Variants in MTRF1 observed in about 807,000 individuals in gnomAD.
The protein encoded by MTRF1 is mitochondrial translation release factor 1.
In MTRF1, 51 loss-of-function variants were observed where a neutral mutation model predicts 62.9. That is an observed-to-expected ratio of 0.81 (90% CI 0.65 to 1.02). MTRF1 has a LOEUF of 1.02. Among genes scored for constraint, MTRF1 ranks in the 50% least tolerant of loss-of-function variants. MTRF1 has a pLI of 0.00. For synonymous variants in MTRF1, 158 were observed against 181.9 expected (o/e 0.87, Z 1.06); for missense variants, 446 against 530.0 (o/e 0.84, Z 1.56).
chr13:41,235,463 T>C (rs1425439696), intron 6 of MTRF1: 1 of 152,232 alleles, frequency 6.6e-6, no homozygotes, highest in Non-Finnish European at 1.5e-5. Context: ...ATGTTCATAT[T>C]CTAATTCATG....
intron 6 of MTRF1, among the ~76,000 whole-genome samples, chr13:41,237,435 T>G (rs2036828927): frequency 6.6e-6 from 1 of 151,352 alleles, no homozygotes; most frequent in Non-Finnish European, 1.5e-5. Flanking sequence ...ATATTTATCA[T>G]AATAACATAA....
the MTRF1 span, among the ~76,000 whole-genome samples, chr13:41,286,681 A>T: frequency 1.3e-5 from 2 of 152,346 alleles, no homozygotes; most frequent in East Asian, 3.9e-4. Flanking sequence ...ACTCCACTCC[A>T]GTACACCCAC....
chr13:41,293,331 G>A, the MTRF1 span, among the ~76,000 whole-genome samples: 2 of 152,070 alleles, frequency 1.3e-5, no homozygotes, highest in African/African-American at 4.8e-5. Flanking sequence ...AATGAGTAAA[G>A]CATTAATAAA....
the MTRF1 span, among the ~76,000 whole-genome samples, chr13:41,300,094 G>A: frequency 6.6e-6 from 1 of 152,214 alleles, no homozygotes; most frequent in Non-Finnish European, 1.5e-5. Flanking sequence ...TGAAGTGACA[G>A]TGATCACTGG....
chr13:41,234,083 TAAAC>T (rs2138853880), intron 6 of MTRF1, 76 bp from the exon 7 acceptor site: 1 of 1,125,710 alleles, frequency 8.9e-7, no homozygotes, highest in East Asian at 2.4e-5. Flanking sequence ...ATTTTTCAAA[TAAAC>T]TGTATTGTTT....
the MTRF1 span, among the ~76,000 whole-genome samples, chr13:41,306,817 C>T: frequency 6.6e-6 from 1 of 152,180 alleles, no homozygotes; most frequent in African/African-American, 2.4e-5. Context: ...CCCAAAAGGA[C>T]TTCAGCATTT....
chr13:41,271,092 C>CACACACA, the MTRF1 span, among the ~76,000 whole-genome samples: 26 of 133,742 alleles, frequency 1.9e-4, 1 homozygote, highest in African/African-American at 8.2e-4. Context: ...CACACACACA[C>CACACACA]CCCATATAGC....
intron 7 of MTRF1, among the ~76,000 whole-genome samples, chr13:41,230,539 C>T (rs1358596247): frequency 6.7e-6 from 1 of 149,690 alleles, no homozygotes; most frequent in Non-Finnish European, 1.5e-5. Flanking sequence ...GCTGGGATTA[C>T]AGGCGTGAGC....
chr13:41,232,550 T>A (rs1164601683), intron 7 of MTRF1, among the ~76,000 whole-genome samples: 1 of 152,212 alleles, frequency 6.6e-6, no homozygotes, highest in African/African-American at 2.4e-5. Flanking sequence ...AAATGATCGA[T>A]GAAGTGTGAA....
intron 5 of MTRF1, among the ~76,000 whole-genome samples, chr13:41,250,597 G>T (rs9532751): frequency 0.023 from 3,502 of 151,904 alleles, 62 homozygotes; most frequent in Middle Eastern, 0.071. Flanking sequence ...GGGTTCAAAT[G>T]ATTCTCGTGC....
chr13:41,309,220 C>T, the MTRF1 span, among the ~76,000 whole-genome samples: 14 of 151,930 alleles, frequency 9.2e-5, no homozygotes, highest in African/African-American at 3.4e-4. Context: ...GTTTGTTGCC[C>T]AGGCTGGAGT....
Position 41,256,738 on chromosome 13 carries a change from C to G in MTRF1, c.416-2118G>C, listed in dbSNP as rs547545183. On this transcript the variant is annotated intron_variant, in intron 2 of 9. Transcript: ENST00000379480. ...GCTGATTCAAAGGTATCAGAAAAACCTTCTGATTTGCAATCATATAAAATT... is the reference window on the plus strand; with the variant it reads ...GCTGATTCAAAGGTATCAGAAAAACGTTCTGATTTGCAATCATATAAAATT... Among the ~76,000 whole-genome samples the G allele has an allele frequency of 5.3e-5, 8 of 152,302 alleles. No individual in the cohort carries two copies. In the South Asian group the frequency reaches 1.7e-3, roughly 32 times the overall value.
intron 8 of MTRF1, 51 bp from the exon 9 acceptor site, chr13:41,223,405 T>A (rs776299659): frequency 1.4e-6 from 2 of 1,460,748 alleles, no homozygotes; most frequent in Non-Finnish European, 1.9e-6. Flanking sequence ...AATGTCTTCA[T>A]TACAATGGAA....
chr13:41,288,037 CACAG>C, the MTRF1 span: 1 of 395,960 alleles, frequency 2.5e-6, no homozygotes, highest in Non-Finnish European at 5.1e-6. Flanking sequence ...TGCCACTCTG[CACAG>C]ACATTTTCAA....
chr13:41,268,811 T>C, the MTRF1 span, among the ~76,000 whole-genome samples: 1 of 152,308 alleles, frequency 6.6e-6, no homozygotes, highest in East Asian at 1.9e-4. Context: ...AGAAAATTAA[T>C]ATTATTGTTC....
At chr13:41,285,257 A>G in the MTRF1 span, among the ~76,000 whole-genome samples, 1 of 152,190 alleles carries the variant, frequency 6.6e-6, no homozygotes, top group African/African-American at 2.4e-5. Flanking sequence ...AAACTCTCCT[A>G]TAAAAGCCTT....
Position 41,252,905 on chromosome 13 carries a change from A to C in MTRF1, c.589+44T>G, listed in dbSNP as rs191523360. ...AGTGTTATCAAATAAGGTAAAATTC[A>C]AGGACTTTTTAGATCATTTAAATAA... On this transcript the variant is annotated intron_variant, in intron 4 of 9. Coordinates refer to ENST00000379480, the MANE Select transcript of MTRF1 (RefSeq NM_004294.4). 5.7e-4 allele frequency: 840 copies of C among 1,473,124 alleles called. 11 individuals are homozygous for C. The East Asian group carries it at 0.015, about 27-fold the overall frequency. The allele number at this position is 1,473,124 out of a possible 1,614,324, so 91.3% of individuals were successfully genotyped here.
At chr13:41,297,332 C>G in the MTRF1 span, among the ~76,000 whole-genome samples, 8,036 of 152,294 alleles carry the variant, frequency 0.053, 281 homozygotes, top group Non-Finnish European at 0.074. Flanking sequence ...ATAGTTCTAT[C>G]TTTTGGTGTT....
At chr13:41,270,959 G>A in the MTRF1 span, among the ~76,000 whole-genome samples, 3 of 151,690 alleles carry the variant, frequency 2.0e-5, no homozygotes, top group East Asian at 3.9e-4. Context: ...GGCTGGTCTC[G>A]AACTCCTGAC....
Sources: allele counts gnomAD v4.1 joint callset (sites outside exome capture counted in the v4.1 genomes callset), GRCh38; gene constraint gnomAD v4.1.1; transcripts MANE v1.5; gene names NCBI Gene and HGNC (gene_info 2026-07-23, HGNC 2026-07-21).